The following TEX15 variants were observed in gnomAD, a reference collection of about 807,000 sequenced individuals.
The protein encoded by TEX15 is testis expressed 15, meiosis and synapsis associated, also known as testis-expressed protein 15.
In TEX15, 171 loss-of-function variants were observed where a neutral mutation model predicts 237.3. That is an observed-to-expected ratio of 0.72 (90% CI 0.64 to 0.82). The LOEUF (loss-of-function observed/expected upper bound fraction) is 0.82, where lower values mean the gene tolerates loss of function less well. Among genes scored for constraint, TEX15 ranks in the 40% least tolerant of loss-of-function variants. The pLI is 0.00. For synonymous variants in TEX15, 1,338 were observed against 1,269.8 expected, an observed-to-expected ratio of 1.05 and a Z score of -1.14; for missense variants, 3,750 against 3,646.5, an observed-to-expected ratio of 1.03 and a Z score of -0.73.
chr8:30,866,220 C>T (rs1412374075), intron 5 of TEX15, among the ~76,000 whole-genome samples: 1 of 151,824 alleles, frequency 6.6e-6, no homozygotes. Flanking sequence ...GAGCTTGCAC[C>T]ACTGAACTCC....
chr8:30,889,117 A>G (rs1309207611), intron 2 of TEX15, among the ~76,000 whole-genome samples: 1 of 152,246 alleles, frequency 6.6e-6, no homozygotes, highest in East Asian at 1.9e-4. Context: ...AATCAGTTGA[A>G]TATACTTTAC....
chr8:30,876,400 T>C (rs950301313), intron 3 of TEX15, among the ~76,000 whole-genome samples: 1 of 152,212 alleles, frequency 6.6e-6, no homozygotes, highest in African/African-American at 2.4e-5. Flanking sequence ...CTCTGGGTAA[T>C]GTGACCTAAG....
chr8:30,833,996 C>T (rs1807238241), intron 10 of TEX15, among the ~76,000 whole-genome samples: 1 of 152,014 alleles, frequency 6.6e-6, no homozygotes, highest in South Asian at 2.1e-4. Flanking sequence ...CTATGAGAAC[C>T]CTTCTGAAAC....
chr8:30,888,101 G>T (rs1303069028), intron 2 of TEX15, among the ~76,000 whole-genome samples: 1 of 150,158 alleles, frequency 6.7e-6, no homozygotes, highest in Non-Finnish European at 1.5e-5. Flanking sequence ...TTTCTTTTGA[G>T]ACAGGGTCTC....
At position 30,847,148 on chromosome 8, in the gene TEX15, AC is replaced by A. The variant is rs1279330501; in HGVS notation, c.3018del (p.Gln1006HisfsTer16). On this transcript the variant is annotated frameshift_variant, in exon 8 of 11. Coordinates refer to ENST00000643185, the MANE Select transcript of TEX15 (RefSeq NM_001350162.2). LOFTEE classifies it high-confidence loss of function. Reference protein sequence around the residue: ...SLNNDDHQIYQFKETCSSESP... With the variant: ...SLNNDDHQIYXFKETCSSESP... ...CTTTCAGAAGAACAAGTTTCTTTAA[AC>A]TGGTATATCTGGTGATCGTCATTAT... 1 of 1,613,854 alleles carries A rather than the reference AC, an allele frequency of 6.2e-7. No homozygotes were observed. Among genetic ancestry groups the A allele is most frequent in the Non-Finnish European group, 8.5e-7 (1 of 1,179,838 alleles).
rs1160978496 is a variant in TEX15 at position 30,842,077 on chromosome 8, C to A, written c.8090G>T (p.Ser2697Ile). The change falls in exon 8 of 11, where the codon AGC becomes ATC. Residue 2697 changes from serine (S) to isoleucine (I), a missense_variant. Coordinates refer to ENST00000643185, the MANE Select transcript of TEX15 (RefSeq NM_001350162.2). ...NISNSSKKRP[S>I]TVDKCEDSQE... ...AGAGTCTTCACATTTGTCTACAGTG[C>A]TCGGTCGTTTTTTAGAGGAATTTGA... is the stretch of plus-strand genomic sequence containing the variant. 1 of 1,613,510 alleles carries A rather than the reference C, an allele frequency of 6.2e-7. No homozygotes were observed. Among genetic ancestry groups the A allele is most frequent in the Admixed American group, 1.7e-5 (1 of 59,978 alleles).
At chr8:30,835,162 T>C (rs1807263091) in intron 10 of TEX15, among the ~76,000 whole-genome samples, 2 of 152,050 alleles carry the variant, frequency 1.3e-5, no homozygotes, top group Admixed American at 6.6e-5. Context: ...TGGAGTGCAG[T>C]GGCGCGATCT....
intron 4 of TEX15, among the ~76,000 whole-genome samples, chr8:30,868,112 C>T (rs1808213143): frequency 6.6e-6 from 1 of 151,950 alleles, no homozygotes; most frequent in Admixed American, 6.6e-5. Flanking sequence ...CTCCATTCTT[C>T]AGGGATTTAG....
intron 4 of TEX15, among the ~76,000 whole-genome samples, chr8:30,868,959 C>A (rs1403347885): frequency 6.7e-6 from 1 of 148,890 alleles, no homozygotes; most frequent in Non-Finnish European, 1.5e-5. Flanking sequence ...CAATAAAAAT[C>A]TAATCCGGGG....
At chr8:30,856,116 T>C (rs980058563) in intron 7 of TEX15, among the ~76,000 whole-genome samples, 2 of 152,040 alleles carry the variant, frequency 1.3e-5, no homozygotes, top group Admixed American at 1.3e-4. Flanking sequence ...CAACTAAGTT[T>C]TGTATTTTTA....
At chr8:30,864,079 AC>A (rs1000572756) in intron 5 of TEX15, among the ~76,000 whole-genome samples, 2 of 152,170 alleles carry the variant, frequency 1.3e-5, no homozygotes, top group African/African-American at 4.8e-5. Flanking sequence ...TAGTAAAAAA[AC>A]AATGTATGAA....
intron 4 of TEX15, among the ~76,000 whole-genome samples, chr8:30,873,891 C>A (rs1347865208): frequency 6.6e-6 from 1 of 152,112 alleles, no homozygotes; most frequent in Non-Finnish European, 1.5e-5. Flanking sequence ...TGGTCATTTA[C>A]AATGTTTTAA....
At chr8:30,912,271 C>T (rs1287883752) in intron 1 of TEX15, among the ~76,000 whole-genome samples, 2 of 152,008 alleles carry the variant, frequency 1.3e-5, no homozygotes, top group Admixed American at 1.3e-4. Context: ...CGTTCCCCGC[C>T]CTAGCGCTCC....
intron 1 of TEX15, among the ~76,000 whole-genome samples, chr8:30,911,448 C>T (rs1008894720): frequency 6.6e-6 from 1 of 152,112 alleles, no homozygotes; most frequent in African/African-American, 2.4e-5. Flanking sequence ...CCACAGCGCT[C>T]GCCAAAGCTT....
intron 1 of TEX15, among the ~76,000 whole-genome samples, chr8:30,910,040 C>A (rs1020674493): frequency 2.0e-5 from 3 of 151,992 alleles, no homozygotes; most frequent in Non-Finnish European, 2.9e-5. Context: ...CAAAAGCAGA[C>A]CAAAGCAGTA....
intron 2 of TEX15, chr8:30,890,513 C>T (rs1808775202): frequency 6.6e-6 from 1 of 152,146 alleles, no homozygotes. Flanking sequence ...ATTTCTACCT[C>T]CATTACTCTA....
At chr8:30,893,943 T>C (rs1197622861) in intron 2 of TEX15, among the ~76,000 whole-genome samples, 3 of 152,230 alleles carry the variant, frequency 2.0e-5, no homozygotes, top group African/African-American at 4.8e-5. Flanking sequence ...TTTCTATCTT[T>C]ATTCTTCATG....
At chr8:30,854,597 T>C (rs143418832) in intron 7 of TEX15, among the ~76,000 whole-genome samples, 1 of 152,158 alleles carries the variant, frequency 6.6e-6, no homozygotes, top group East Asian at 1.9e-4. Flanking sequence ...TCATATATTA[T>C]TCCAAAAAAT....
chr8:30,878,558 A>AT (rs974768854), intron 3 of TEX15, among the ~76,000 whole-genome samples: 7 of 151,136 alleles, frequency 4.6e-5, no homozygotes, highest in African/African-American at 9.7e-5. Context: ...TAATTTTTCT[A>AT]TTTTTTTTAG....
Sources: gnomAD v4.1 joint callset for allele counts (sites outside exome capture counted in the v4.1 genomes callset) on GRCh38, gnomAD v4.1.1 for gene constraint, MANE v1.5 for transcripts, NCBI Gene and HGNC (gene_info 2026-07-23, HGNC 2026-07-21) for gene names.